The following CSMD1 variants were observed in gnomAD, a reference collection of about 807,000 sequenced individuals.
CSMD1 encodes CUB and Sushi multiple domains 1.
Under a neutral mutation model 417.5 loss-of-function variants are expected in CSMD1, and 213 were observed. That is an observed-to-expected ratio of 0.51 (90% CI 0.46 to 0.57). The LOEUF is 0.57. Ranked by LOEUF, CSMD1 falls within the 20% of genes least tolerant of loss-of-function variation. The pLI is 0.00. For missense variants in CSMD1, 6,923 were observed against 4,529.7 expected (o/e 1.53, Z -15.17); for synonymous variants, 2,862 against 1,736.8 (o/e 1.65, Z -16.11).
rs1801106548 is a variant in CSMD1 at position 3,596,609 on chromosome 8, A to ATATC, written c.1098-10353_1098-10350dup. Reference sequence around the variant, plus strand: ...TCGGCAAATATTTCCTCCCGGGCTTATATCTACACTTGGCAAAACTTTGCA... The same window carrying ATATC: ...TCGGCAAATATTTCCTCCCGGGCTTATATCTATCTACACTTGGCAAAACTTTGCA... On this transcript the variant is annotated intron_variant, in intron 8 of 69. Transcript: ENST00000635120. Among the ~76,000 whole-genome samples the ATATC allele has an allele frequency of 2.0e-5, 3 of 152,292 alleles. No homozygotes were observed. The South Asian group carries it at 6.2e-4, about 32-fold the overall frequency.
intron 5 of CSMD1, among the ~76,000 whole-genome samples, chr8:3,888,086 C>A (rs1806685504): frequency 6.6e-6 from 1 of 152,142 alleles, no homozygotes; most frequent in Non-Finnish European, 1.5e-5. Flanking sequence ...TCTGCAATAT[C>A]ATTAATTAAA....
intron 40 of CSMD1, among the ~76,000 whole-genome samples, chr8:3,143,153 T>C (rs1457961166): frequency 6.6e-6 from 1 of 152,158 alleles, no homozygotes; most frequent in African/African-American, 2.4e-5. Flanking sequence ...ACAGAGTTTT[T>C]TTTGTTTTTA....
chr8:4,704,399 C>T (rs1807785430), intron 1 of CSMD1, among the ~76,000 whole-genome samples: 1 of 152,170 alleles, frequency 6.6e-6, no homozygotes. Flanking sequence ...TGTTTATTTA[C>T]TTATCTATTG....
intron 8 of CSMD1, among the ~76,000 whole-genome samples, chr8:3,610,486 G>A (rs1028387300): frequency 6.6e-6 from 1 of 152,192 alleles, no homozygotes; most frequent in Non-Finnish European, 1.5e-5. Context: ...AGTACTCCAG[G>A]CTGAGTGACA....
intron 1 of CSMD1, among the ~76,000 whole-genome samples, chr8:4,989,373 A>C (rs1344669702): frequency 6.6e-6 from 1 of 152,220 alleles, no homozygotes; most frequent in East Asian, 1.9e-4. Flanking sequence ...TCTTAGTCCA[A>C]GTTCCTACTT....
chr8:3,616,147 C>T (rs1436667349), intron 8 of CSMD1, among the ~76,000 whole-genome samples: 1 of 152,120 alleles, frequency 6.6e-6, no homozygotes, highest in Non-Finnish European at 1.5e-5. Context: ...ATGACATTTA[C>T]ATGGTTTGGC....
chr8:3,321,826 T>G (rs1211023510), intron 23 of CSMD1, among the ~76,000 whole-genome samples: 1 of 152,196 alleles, frequency 6.6e-6, no homozygotes, highest in Non-Finnish European at 1.5e-5. Flanking sequence ...AAAATAAATG[T>G]GTTTCAAATT....
chr8:4,116,182 CG>C (rs1802135579), intron 3 of CSMD1, among the ~76,000 whole-genome samples: 1 of 151,762 alleles, frequency 6.6e-6, no homozygotes, highest in Non-Finnish European at 1.5e-5. Flanking sequence ...TTAGTACAGA[CG>C]GGGTTTCCCC....
chr8:4,042,504 T>A (rs1038732543), intron 3 of CSMD1, among the ~76,000 whole-genome samples: 1 of 151,940 alleles, frequency 6.6e-6, no homozygotes, highest in African/African-American at 2.4e-5. Flanking sequence ...ATGTGAAAAC[T>A]GAAAGCCCGT....
intron 26 of CSMD1, among the ~76,000 whole-genome samples, chr8:3,246,365 C>A (rs1194683608): frequency 6.6e-6 from 1 of 152,192 alleles, no homozygotes; most frequent in Non-Finnish European, 1.5e-5. Flanking sequence ...ATTTGGGTCA[C>A]CCTGAAATGC....
chr8:3,816,479 T>A (rs1253724254), intron 5 of CSMD1, among the ~76,000 whole-genome samples: 3 of 152,192 alleles, frequency 2.0e-5, no homozygotes, highest in African/African-American at 7.2e-5. Context: ...AATCTCTCGC[T>A]GTGCCTAATT....
intron 11 of CSMD1, among the ~76,000 whole-genome samples, chr8:3,490,798 C>G (rs1425152667): frequency 6.6e-6 from 1 of 152,080 alleles, no homozygotes; most frequent in Admixed American, 6.5e-5. Flanking sequence ...GCGACGATCG[C>G]CTTAGAAGCT....
chr8:3,655,756 G>C (rs1419528631), intron 7 of CSMD1, among the ~76,000 whole-genome samples: 3 of 151,492 alleles, frequency 2.0e-5, no homozygotes, highest in Admixed American at 6.6e-5. Context: ...TGGGAAATTA[G>C]CTACGGCTGT....
At chr8:4,562,976 T>C (rs1394616209) in intron 2 of CSMD1, among the ~76,000 whole-genome samples, 1 of 152,154 alleles carries the variant, frequency 6.6e-6, no homozygotes, top group African/African-American at 2.4e-5. Context: ...GCAAAATCTA[T>C]CCTGTAGGTA....
At chr8:3,910,989 C>G (rs1808421790) in intron 5 of CSMD1, among the ~76,000 whole-genome samples, 1 of 152,218 alleles carries the variant, frequency 6.6e-6, no homozygotes, top group Non-Finnish European at 1.5e-5. Flanking sequence ...TATTACAAGA[C>G]AGATGTGGCC....
chr8:4,709,445 A>C (rs1252118208), intron 1 of CSMD1, among the ~76,000 whole-genome samples: 1 of 152,168 alleles, frequency 6.6e-6, no homozygotes, highest in African/African-American at 2.4e-5. Flanking sequence ...TCAACACAGG[A>C]AATAGAGGGA....
chr8:2,965,154 C>T (rs549697380), intron 59 of CSMD1, among the ~76,000 whole-genome samples: 54 of 152,338 alleles, frequency 3.5e-4, no homozygotes, highest in South Asian at 6.2e-4. Flanking sequence ...CGCCACTCAG[C>T]CCTGCTCCCT....
At chr8:4,879,421 A>G (rs1803258785) in intron 1 of CSMD1, among the ~76,000 whole-genome samples, 1 of 152,134 alleles carries the variant, frequency 6.6e-6, no homozygotes, top group Non-Finnish European at 1.5e-5. Context: ...GATATGAAGA[A>G]GAATTAGGAG....
chr8:4,813,599 A>T (rs1357180073), intron 1 of CSMD1, among the ~76,000 whole-genome samples: 2 of 152,378 alleles, frequency 1.3e-5, no homozygotes, highest in Non-Finnish European at 1.5e-5. Flanking sequence ...AATCTCTGGC[A>T]AACATCTTTG....
Sources: gnomAD v4.1 joint callset for allele counts (sites outside exome capture counted in the v4.1 genomes callset) on GRCh38, gnomAD v4.1.1 for gene constraint, MANE v1.5 for transcripts, NCBI Gene and HGNC (gene_info 2026-07-23, HGNC 2026-07-21) for gene names.